Variants in SNRPN observed in about 807,000 individuals in gnomAD.
SNRPN encodes the protein small nuclear ribonucleoprotein polypeptide N, also known as small nuclear ribonucleoprotein-associated protein N.
A neutral mutation model predicts 25.2 loss-of-function variants in SNRPN; 7 were observed. That is an observed-to-expected ratio of 0.28 (90% CI 0.16 to 0.52). The LOEUF is 0.52. Among genes scored for constraint, SNRPN ranks in the 20% least tolerant of loss-of-function variants. The probability of loss-of-function intolerance (pLI) is 0.96; values close to 1 mark genes in which losing one functional copy is unlikely to be tolerated. For synonymous variants in SNRPN, 124 were observed against 110.6 expected (o/e 1.12, Z -0.76); for missense variants, 196 against 322.5 (o/e 0.61, Z 3.00).
In SNRPN at chr15:24,839,901, T is replaced by C. The variant is rs575992684; in HGVS notation, c.-579+9996T>C. Among the ~76,000 whole-genome samples, 12 of 152,314 alleles carry C rather than the reference T, an allele frequency of 7.9e-5. No homozygotes were observed. The South Asian group carries it at 1.7e-3, about 21-fold the overall frequency. ...CCTGAACTTGAATGCACCACTTCCA[T>C]TTGATAAGTGAAGTCTATGGAGCCT... On this transcript the variant is annotated intron_variant, in intron 2 of 12. Transcript: ENST00000400100.
chr15:24,841,700 T>C (rs1325634993), intron 2 of SNRPN, among the ~76,000 whole-genome samples: 5 of 152,172 alleles, frequency 3.3e-5, no homozygotes, highest in Non-Finnish European at 5.9e-5. Flanking sequence ...ACACTCACAA[T>C]AGCCACACTG....
chr15:24,873,573 A>T (rs1282862784), intron 1 of SNRPN, among the ~76,000 whole-genome samples: 1 of 151,084 alleles, frequency 6.6e-6, no homozygotes, highest in African/African-American at 2.4e-5. Context: ...TCAGCCTCCC[A>T]AGCAGCTGGG....
At chr15:24,944,423 T>C (rs1362749552) in intron 3 of SNRPN, among the ~76,000 whole-genome samples, 1 of 152,284 alleles carries the variant, frequency 6.6e-6, no homozygotes, top group Middle Eastern at 3.4e-3. Flanking sequence ...ATTTAAAGTA[T>C]CTGGGCTGGG....
chr15:24,943,255 G>A (rs974252360), intron 3 of SNRPN, among the ~76,000 whole-genome samples: 3 of 152,136 alleles, frequency 2.0e-5, no homozygotes, highest in African/African-American at 4.8e-5. Flanking sequence ...CCCACTGGGA[G>A]GATTTGTCTT....
At chr15:24,967,864 CT>C in intron 2 of SNRPN, 67 bp from the exon 3 acceptor site, 1 of 1,034,062 alleles carries the variant, frequency 9.7e-7, no homozygotes, top group Non-Finnish European at 1.5e-6. Flanking sequence ...ACCTAGTTTT[CT>C]TTCATATGGT....
At chr15:24,856,333 T>G (rs1297499393), upstream of SNRPN, among the ~76,000 whole-genome samples, 1 of 152,220 alleles carries the variant, frequency 6.6e-6, no homozygotes, top group Non-Finnish European at 1.5e-5. Context: ...TTCCCTGCTT[T>G]ATTTGCTTAG....
At chr15:24,828,688 G>T (rs1248685788) in intron 1 of SNRPN, among the ~76,000 whole-genome samples, 1 of 152,112 alleles carries the variant, frequency 6.6e-6, no homozygotes, top group African/African-American at 2.4e-5. Context: ...AATATCCATT[G>T]CACTGCAGCC....
intron 3 of SNRPN, among the ~76,000 whole-genome samples, chr15:24,930,574 T>C (rs1263233748): frequency 3.0e-5 from 4 of 134,084 alleles, no homozygotes; most frequent in African/African-American, 8.0e-5. Context: ...AGGGAAACCC[T>C]GTCTCTACAA....
At chr15:24,911,507 G>A (rs893414608) in intron 2 of SNRPN, among the ~76,000 whole-genome samples, 4 of 152,182 alleles carry the variant, frequency 2.6e-5, no homozygotes, top group Non-Finnish European at 5.9e-5. Context: ...GCTGCCTCAT[G>A]TATCTGCTCC....
intron 1 of SNRPN, among the ~76,000 whole-genome samples, chr15:24,884,457 A>G (rs1172912174): frequency 6.6e-6 from 1 of 152,164 alleles, no homozygotes; most frequent in Non-Finnish European, 1.5e-5. Flanking sequence ...AGAGGAAAGG[A>G]GAGATTGGGT....
intron 1 of SNRPN, among the ~76,000 whole-genome samples, chr15:24,885,160 T>C (rs1330835601): frequency 6.6e-6 from 1 of 152,010 alleles, no homozygotes; most frequent in African/African-American, 2.4e-5. Flanking sequence ...TATATTGTTA[T>C]GGGTATTGGG....
At chr15:24,890,582 G>C (rs1396858361) in intron 2 of SNRPN, among the ~76,000 whole-genome samples, 3 of 152,160 alleles carry the variant, frequency 2.0e-5, no homozygotes, top group Non-Finnish European at 4.4e-5. Context: ...AGGAGGCTGA[G>C]GCAGGAGAAT....
intron 2 of SNRPN, among the ~76,000 whole-genome samples, chr15:24,845,306 C>A (rs2052090207): frequency 6.6e-6 from 1 of 152,110 alleles, no homozygotes; most frequent in South Asian, 2.1e-4. Flanking sequence ...TTATATTAAA[C>A]TTGAAATAAT....
chr15:24,978,581 T>C lies in SNRPN; in HGVS notation c.*137T>C. The C allele has an allele frequency of 2.4e-6, 2 of 821,804 alleles. No homozygotes were observed. Among genetic ancestry groups the C allele is most frequent in the Non-Finnish European group, 4.1e-6 (2 of 487,844 alleles). 50.9% of individuals were successfully genotyped at this position (821,804 alleles called of 1,614,324 possible). The stretch of plus-strand genomic sequence containing the variant: ...ATAAATGCATAGAGCAATTAAACTG[T>C]GAGGTACTGTTGTATATATTTTTTT... On this transcript the variant is annotated 3_prime_UTR_variant, in exon 10 of 10. Coordinates refer to ENST00000390687, the MANE Select transcript of SNRPN (RefSeq NM_003097.6).
intron 2 of SNRPN, chr15:24,849,256 A>AG (rs1432228582): frequency 1.3e-5 from 2 of 152,266 alleles, no homozygotes; most frequent in African/African-American, 4.8e-5. Flanking sequence ...AACAGTGGCT[A>AG]GGTCATGCTT....
At chr15:24,863,730 G>T (rs760637421) in intron 1 of SNRPN, among the ~76,000 whole-genome samples, 7 of 150,646 alleles carry the variant, frequency 4.6e-5, no homozygotes, top group Non-Finnish European at 8.8e-5. Flanking sequence ...CATTTCAGGG[G>T]GAGCCACCCC....
intron 7 of SNRPN, 32 bp from the exon 8 acceptor site, chr15:24,977,746 C>T (rs762451650): frequency 1.9e-5 from 30 of 1,550,672 alleles, no homozygotes; most frequent in Middle Eastern, 1.7e-4. Context: ...AGGTTTGCAT[C>T]GCTTTGACTG....
intron 2 of SNRPN, among the ~76,000 whole-genome samples, chr15:24,833,019 G>A (rs1292626669): frequency 2.0e-5 from 3 of 146,410 alleles, no homozygotes; most frequent in Admixed American, 7.1e-5. Flanking sequence ...GCAGGAGAAT[G>A]GCATGAACCC....
intron 1 of SNRPN, among the ~76,000 whole-genome samples, chr15:24,824,929 T>G (rs1337659131): frequency 2.0e-5 from 3 of 152,096 alleles, no homozygotes; most frequent in Non-Finnish European, 4.4e-5. Context: ...GAGAAACACA[T>G]TCTCTAATGA....
Sources: gnomAD v4.1 joint callset for allele counts (sites outside exome capture counted in the v4.1 genomes callset) on GRCh38, gnomAD v4.1.1 for gene constraint, MANE v1.5 for transcripts, NCBI Gene and HGNC (gene_info 2026-07-23, HGNC 2026-07-21) for gene names.